The following ZNF558 variants were observed in gnomAD, a reference collection of about 807,000 sequenced individuals.
ZNF558 encodes zinc finger protein 558.
Under a neutral mutation model 37.6 loss-of-function variants are expected in ZNF558, and 23 were observed. The ratio of observed to expected loss-of-function variants is 0.61; its 90% confidence interval spans 0.44 to 0.87. ZNF558 has a LOEUF of 0.87. Among genes scored for constraint, ZNF558 ranks in the 40% least tolerant of loss-of-function variants. The pLI is 0.00. For synonymous variants in ZNF558, 189 were observed against 174.4 expected, an observed-to-expected ratio of 1.08 and a Z score of -0.66; for missense variants, 429 against 483.7, an observed-to-expected ratio of 0.89 and a Z score of 1.06.
chr19:8,819,718 A>AT lies in ZNF558; in HGVS notation c.247+1461dup, dbSNP rs537160294. Among the ~76,000 whole-genome samples the AT allele has an allele frequency of 3.0e-3, 453 of 151,782 alleles. 4 individuals are homozygous for AT. The highest frequency in any genetic ancestry group is 1.2e-3 in the Admixed American group (18 of 15,234). ...TTTGGGAGGCCAAGGCAGGCGGATCATTTGAGGCCAGGAGTTTGAGACCAG... is the reference window on the plus strand; with the variant it reads ...TTTGGGAGGCCAAGGCAGGCGGATCATTTTGAGGCCAGGAGTTTGAGACCAG... On this transcript the variant is annotated intron_variant, in intron 7 of 9. Coordinates refer to ENST00000601372, the MANE Select transcript of ZNF558 (RefSeq NM_144693.3).
chr19:8,833,396 C>T (rs1330538746), upstream of ZNF558: 3 of 152,172 alleles, frequency 2.0e-5, no homozygotes, highest in African/African-American at 4.8e-5. Flanking sequence ...CAAATATTCT[C>T]CCACCACGGT....
upstream of ZNF558, chr19:8,833,015 G>C (rs2145332138): frequency 6.5e-6 from 1 of 153,348 alleles, no homozygotes; most frequent in East Asian, 1.9e-4. Context: ...GCGGAGACCA[G>C]TTCTGGGGGC....
rs1568456188 is a variant in ZNF558, at chr19:8,806,372, T to C, written c.*4909A>G. ...GAAATCTCTTCAGTGTTTCTGAAAA[T>C]ACGGTTATGCTGTTAATTCTCTCAG... On this transcript the variant is annotated 3_prime_UTR_variant, in exon 10 of 10. Coordinates refer to ENST00000601372, the MANE Select transcript of ZNF558 (RefSeq NM_144693.3). The C allele has an allele frequency of 6.6e-6, 1 of 152,066 alleles. No homozygotes were observed. The highest frequency in any genetic ancestry group is 1.5e-5 in the Non-Finnish European group (1 of 68,012). 9.4% of individuals were successfully genotyped at this position (152,066 alleles called of 1,614,324 possible).
In ZNF558 at chr19:8,824,248, G is replaced by A. The variant is rs1368161320; in HGVS notation, c.-232C>T. On this transcript the variant is annotated 5_prime_UTR_variant, in exon 4 of 10. Coordinates refer to ENST00000601372, the MANE Select transcript of ZNF558 (RefSeq NM_144693.3). ...TGGGAAGACGCTCAAGTGGCCCTGT[G>A]GAGAGGCCTATGTGGAGAGGAACTG... 8 of 152,310 alleles carry A rather than the reference G, an allele frequency of 5.3e-5. No homozygotes were observed. Among genetic ancestry groups the A allele is most frequent in the African/African-American group, 1.7e-4 (7 of 41,442 alleles). The allele number at this position is 152,310 out of a possible 1,614,324, so 9.4% of individuals were successfully genotyped here. A position where few individuals can be genotyped will look rare whatever the true frequency, so the allele number is the denominator to read the frequency against.
At chr19:8,821,588 C>T (rs2044092304) in intron 6 of ZNF558, 1 of 1,365,134 alleles carries the variant, frequency 7.3e-7, no homozygotes, top group East Asian at 2.9e-5. Context: ...AGAGCAGCTG[C>T]CTTTTCTCAC....
At chr19:8,833,862 C>CT (rs144888722), upstream of ZNF558, among the ~76,000 whole-genome samples, 2,623 of 152,194 alleles carry the variant, frequency 0.017, 69 homozygotes, top group African/African-American at 0.057. Flanking sequence ...TGGCGGATGC[C>CT]TTGTAATCCC....
Position 8,811,549 on chromosome 19 carries a change from T to C in ZNF558, c.941A>G (p.His314Arg), listed in dbSNP as rs1281684968. 1 of 1,614,092 alleles carries C rather than the reference T, an allele frequency of 6.2e-7. No individual in the cohort carries two copies. Among genetic ancestry groups the C allele is most frequent in the Non-Finnish European group, 8.5e-7 (1 of 1,180,032 alleles). ...ACATTCATAGGGTTTTTCTCCAGTA[T>C]GAGTTCTTACGTGCTGTGTCAGATA... ...SSYLTQHVRTHTGEKPYECNE... is the reference protein window; with the variant it reads ...SSYLTQHVRTRTGEKPYECNE... Residue 314 changes from histidine to arginine, a missense_variant, in exon 10 of 10, where the codon CAT becomes CGT. Transcript: ENST00000601372.
At chr19:8,823,683 A>G (rs2044161997) in intron 4 of ZNF558, 1 of 126,416 alleles carries the variant, frequency 7.9e-6, no homozygotes, top group Admixed American at 9.8e-5. Flanking sequence ...TCTTGATTTC[A>G]TCCTCACCCA....
intron 4 of ZNF558, among the ~76,000 whole-genome samples, chr19:8,823,323 C>A (rs532558096): frequency 4.6e-5 from 7 of 151,838 alleles, no homozygotes; most frequent in Admixed American, 6.6e-5. Flanking sequence ...TCCGACCACA[C>A]GCAGGCCTCA....
rs2043731760 is a variant in ZNF558 at position 8,809,337 on chromosome 19, T to C, written c.*1944A>G. On this transcript the variant is annotated 3_prime_UTR_variant, in exon 10 of 10. Transcript: ENST00000601372. ...CCACACAGTGACTTCGACTTACTTC[T>C]CATTGCCAGGGGAGTGCGAAAAAAC... 6.6e-6 allele frequency: 1 copy of C among 152,218 alleles called. No homozygotes were observed. Among genetic ancestry groups the C allele is most frequent in the South Asian group, 2.1e-4 (1 of 4,830 alleles). 9.4% of individuals were successfully genotyped at this position (152,218 alleles called of 1,614,324 possible). A position where few individuals can be genotyped will look rare whatever the true frequency, so the allele number is the denominator to read the frequency against.
Position 8,822,604 on chromosome 19 carries a change from G to A in ZNF558, c.31+25C>T. On this transcript the variant is annotated intron_variant, in intron 5 of 9. Transcript: ENST00000601372. This position sits in a 1 kb window ranked among gnomAD's most constrained non-coding sequence, Gnocchi z 4.4. ...AGAACCTTTCAAGGCTGGACTCTGAGAAATGTCAGGACCCCACGACTCACC... is the reference window on the plus strand; with the variant it reads ...AGAACCTTTCAAGGCTGGACTCTGAAAAATGTCAGGACCCCACGACTCACC... The A allele has an allele frequency of 6.2e-7, 1 of 1,614,034 alleles. No individual in the cohort carries two copies.
rs1309857098 is a variant in ZNF558, at chr19:8,810,912, C to T, written c.*369G>A. 5 of 181,886 alleles carry T rather than the reference C, an allele frequency of 2.7e-5. No homozygotes were observed. The highest frequency in any genetic ancestry group is 1.2e-4 in the African/African-American group (5 of 42,022). 11.3% of individuals were successfully genotyped at this position (181,886 alleles called of 1,614,324 possible). A position where few individuals can be genotyped will look rare whatever the true frequency, so the allele number is the denominator to read the frequency against. ...CAAGGAGCTGGGCCTTGTAAAGAGGCCTACATGGTAATGACTGAAGGTCCC... is the reference window on the plus strand; with the variant it reads ...CAAGGAGCTGGGCCTTGTAAAGAGGTCTACATGGTAATGACTGAAGGTCCC... On this transcript the variant is annotated 3_prime_UTR_variant, in exon 10 of 10. Coordinates refer to ENST00000601372, the MANE Select transcript of ZNF558 (RefSeq NM_144693.3).
upstream of ZNF558, among the ~76,000 whole-genome samples, chr19:8,834,593 C>T (rs866398844): frequency 2.9e-5 from 4 of 139,890 alleles, no homozygotes; most frequent in East Asian, 2.1e-4. Context: ...GAGAACAGAG[C>T]GAGACTCCAT....
intron 6 of ZNF558, 156 bp from the exon 7 acceptor site, chr19:8,821,462 T>A: frequency 1.3e-6 from 2 of 1,498,480 alleles, no homozygotes; most frequent in Non-Finnish European, 1.8e-6. Context: ...TCTGAGCTCC[T>A]CTCCCAGGGT....
intron 2 of ZNF558, among the ~76,000 whole-genome samples, chr19:8,828,530 C>A (rs2044281373): frequency 6.6e-6 from 1 of 152,326 alleles, no homozygotes; most frequent in East Asian, 1.9e-4. Flanking sequence ...TCAGAAAAAT[C>A]TTTGAATCTA....
Position 8,810,939 on chromosome 19 carries a change from T to A in ZNF558, c.*342A>T. 5.0e-6 allele frequency: 1 copy of A among 201,280 alleles called. No homozygotes were observed. The highest frequency in any genetic ancestry group is 1.0e-5 in the Non-Finnish European group (1 of 99,032). The allele number at this position is 201,280 out of a possible 1,614,324, so 12.5% of individuals were successfully genotyped here. A position where few individuals can be genotyped will look rare whatever the true frequency, so the allele number is the denominator to read the frequency against. ...TACATGGTAATGACTGAAGGTCCCC[T>A]GACAACAACCAACATCAACTTTCCA... On this transcript the variant is annotated 3_prime_UTR_variant, in exon 10 of 10. Coordinates refer to ENST00000601372, the MANE Select transcript of ZNF558 (RefSeq NM_144693.3).
chr19:8,816,841 T>A (rs189196609), intron 7 of ZNF558, among the ~76,000 whole-genome samples: 1 of 152,284 alleles, frequency 6.6e-6, no homozygotes, highest in African/African-American at 2.4e-5. Flanking sequence ...TGATTACACA[T>A]CTACATTAAT....
At chr19:8,836,345 C>G (rs1444079223), upstream of ZNF558, among the ~76,000 whole-genome samples, 1 of 151,620 alleles carries the variant, frequency 6.6e-6, no homozygotes, top group African/African-American at 2.4e-5. Flanking sequence ...TCTCTTCTTC[C>G]TCTTCCTCCT....
At chr19:8,819,678 T>C (rs907230407) in intron 7 of ZNF558, among the ~76,000 whole-genome samples, 3 of 151,976 alleles carry the variant, frequency 2.0e-5, no homozygotes, top group African/African-American at 7.3e-5. Context: ...TGGCTCACAC[T>C]TGTAATGCCA....
Sources: allele counts gnomAD v4.1 joint callset (sites outside exome capture counted in the v4.1 genomes callset), GRCh38; gene constraint gnomAD v4.1.1; non-coding constraint Gnocchi (gnomAD v3.1); transcripts MANE v1.5; gene names NCBI Gene and HGNC (gene_info 2026-07-23, HGNC 2026-07-21).